The following NADSYN1 variants were observed in gnomAD, a reference collection of about 807,000 sequenced individuals.
The protein encoded by NADSYN1 is NAD synthetase 1.
A neutral mutation model predicts 99.3 loss-of-function variants in NADSYN1; 80 were observed. That is an observed-to-expected ratio of 0.81 (90% CI 0.67 to 0.97). The LOEUF (loss-of-function observed/expected upper bound fraction) is 0.97, where lower values mean the gene tolerates loss of function less well. Among genes scored for constraint, NADSYN1 ranks in the 50% least tolerant of loss-of-function variants. The pLI is 0.00. For synonymous variants in NADSYN1, 385 were observed against 372.1 expected, an observed-to-expected ratio of 1.03 and a Z score of -0.40; for missense variants, 859 against 948.5, an observed-to-expected ratio of 0.91 and a Z score of 1.24.
chr11:71,483,972 C>G (rs1293839441), intron 14 of NADSYN1, among the ~76,000 whole-genome samples: 1 of 152,200 alleles, frequency 6.6e-6, no homozygotes, highest in Non-Finnish European at 1.5e-5. Flanking sequence ...GATTCCATTT[C>G]CATTCCATTT....
chr11:71,491,171 C>T (rs765140813), intron 17 of NADSYN1, among the ~76,000 whole-genome samples, 195 bp downstream of exon 17: 11 of 152,346 alleles, frequency 7.2e-5, no homozygotes, highest in South Asian at 2.1e-4. Context: ...CCCCCGGCTC[C>T]GGCCAGATCA....
chr11:71,466,539 C>T (rs1466377736), intron 5 of NADSYN1, among the ~76,000 whole-genome samples: 1 of 152,212 alleles, frequency 6.6e-6, no homozygotes. Context: ...GGGTGGATGG[C>T]TTTGCTTCTC....
chr11:71,457,664 G>A (rs12793224), intron 2 of NADSYN1, among the ~76,000 whole-genome samples: 80,948 of 151,618 alleles, frequency 0.53, 25,363 homozygotes, highest in Non-Finnish European at 0.74. Context: ...GGCTCCCTCC[G>A]AAGGCTCTTG....
At chr11:71,462,170 G>A (rs560115026) in intron 3 of NADSYN1, among the ~76,000 whole-genome samples, 17 of 152,074 alleles carry the variant, frequency 1.1e-4, no homozygotes, top group Non-Finnish European at 2.4e-4. Flanking sequence ...ATCGGGGGTC[G>A]GACAGGCCTC....
intron 6 of NADSYN1, 123 bp from the exon 7 acceptor site, chr11:71,473,155 T>C (rs987977454): frequency 2.1e-5 from 19 of 914,090 alleles, no homozygotes; most frequent in South Asian, 1.3e-4. Flanking sequence ...CTCTTCGGAA[T>C]GTGCGAGAGC....
chr11:71,489,130 A>G (rs1949762792), intron 16 of NADSYN1, among the ~76,000 whole-genome samples: 1 of 151,920 alleles, frequency 6.6e-6, no homozygotes, highest in South Asian at 2.1e-4. Context: ...TGCAGAGCTG[A>G]GAGGCTGTGT....
intron 5 of NADSYN1, among the ~76,000 whole-genome samples, chr11:71,470,428 G>A (rs923052249): frequency 2.6e-5 from 4 of 152,252 alleles, no homozygotes; most frequent in South Asian, 2.1e-4. Flanking sequence ...CTGGGGGCTC[G>A]GAGGTCCAGG....
chr11:71,491,849 G>T lies in NADSYN1; in HGVS notation c.1710G>T (p.Pro570=), dbSNP rs141669665. Residue 570 remains proline, a synonymous_variant, in exon 18 of 21, where the codon CCG becomes CCT. Coordinates refer to ENST00000319023, the MANE Select transcript of NADSYN1 (RefSeq NM_018161.5). ...LPALQSILLA[P]ATAELEPLAD... ...TTGGCTGCAGCATCCTGTTGGCGCC[G>T]GCCACCGCAGAGCTGGAGCCCTTGG... 3 of 1,613,938 alleles carry T rather than the reference G, an allele frequency of 1.9e-6. No homozygotes were observed. The highest frequency in any genetic ancestry group is 2.5e-6 in the Non-Finnish European group (3 of 1,179,984).
chr11:71,475,931 C>T (rs1389277552), intron 9 of NADSYN1: 8 of 433,658 alleles, frequency 1.8e-5, no homozygotes, highest in East Asian at 7.0e-5. Flanking sequence ...CCCGGCTGGT[C>T]GCAAACTCCT....
chr11:71,495,841 C>T (rs1949815266), intron 18 of NADSYN1, among the ~76,000 whole-genome samples: 1 of 152,186 alleles, frequency 6.6e-6, no homozygotes, highest in Non-Finnish European at 1.5e-5. Flanking sequence ...GCCATACTGT[C>T]TGATGATGGC....
At chr11:71,477,977 G>A (rs1278259935) in intron 9 of NADSYN1, among the ~76,000 whole-genome samples, 2 of 152,228 alleles carry the variant, frequency 1.3e-5, no homozygotes, top group Admixed American at 6.5e-5. Context: ...TGAGAGGGGT[G>A]TTCCCAGAAG....
intron 20 of NADSYN1, chr11:71,499,684 C>A (rs1949844848): frequency 6.6e-6 from 1 of 152,244 alleles, no homozygotes; most frequent in Non-Finnish European, 1.5e-5. Flanking sequence ...AGCAGCTTGG[C>A]CATGGCCTCC....
Position 71,474,736 on chromosome 11 carries a change from C to A in NADSYN1, c.798+210C>A, listed in dbSNP as rs1949653345. 1.4e-5 allele frequency: 8 copies of A among 552,000 alleles called. No homozygotes were observed. In the East Asian group the frequency reaches 2.7e-4, roughly 19 times the overall value. The allele number at this position is 552,000 out of a possible 1,614,324, so 34.2% of individuals were successfully genotyped here. ...GGGGGTCCCGCCTGCTCCTGGCTCT[C>A]CCCTGTAAGCCGGGTGCTTAGTGAG... On this transcript the variant is annotated intron_variant, in intron 9 of 20. Coordinates refer to ENST00000319023, the MANE Select transcript of NADSYN1 (RefSeq NM_018161.5).
intron 4 of NADSYN1, 49 bp from the exon 5 acceptor site, chr11:71,464,004 C>T (rs940133900): frequency 9.5e-6 from 14 of 1,475,832 alleles, no homozygotes; most frequent in Admixed American, 5.6e-5. Context: ...GCCAGTGGCA[C>T]GTTCATCTCA....
intron 18 of NADSYN1, among the ~76,000 whole-genome samples, chr11:71,494,484 G>A (rs906606478): frequency 6.6e-6 from 1 of 152,160 alleles, no homozygotes. Flanking sequence ...TTCTCAGAAC[G>A]TATCCCTGTC....
chr11:71,497,385 G>A, intron 18 of NADSYN1, 98 bp from the exon 19 acceptor site: 1 of 1,507,776 alleles, frequency 6.6e-7, no homozygotes, highest in Non-Finnish European at 9.1e-7. Flanking sequence ...GGAAAGTATT[G>A]CCTCCTTGGT....
intron 15 of NADSYN1, 136 bp from the exon 16 acceptor site, chr11:71,485,406 G>C (rs1223790481): frequency 1.5e-6 from 1 of 652,932 alleles, no homozygotes; most frequent in Non-Finnish European, 2.5e-6. Flanking sequence ...GTGGGACTCT[G>C]AGACTCTGAT....
chr11:71,488,369 T>A (rs1189589757), intron 16 of NADSYN1, among the ~76,000 whole-genome samples: 27 of 150,486 alleles, frequency 1.8e-4, no homozygotes, highest in Non-Finnish European at 4.4e-5. Context: ...TACTGAGAAG[T>A]GGGTTTCATA....
intron 7 of NADSYN1, 37 bp downstream of exon 7, chr11:71,473,403 C>T: frequency 6.3e-7 from 1 of 1,593,690 alleles, no homozygotes; most frequent in Non-Finnish European, 8.6e-7. Context: ...GATCGCCCAC[C>T]TCATATGGGC....
Sources: allele counts gnomAD v4.1 joint callset (sites outside exome capture counted in the v4.1 genomes callset), GRCh38; gene constraint gnomAD v4.1.1; transcripts MANE v1.5; gene names NCBI Gene and HGNC (gene_info 2026-07-23, HGNC 2026-07-21).